Variants in NUCKS1 observed in about 807,000 individuals in gnomAD.
The protein encoded by NUCKS1 is nuclear ubiquitous casein and cyclin-dependent kinase substrate 1.
In NUCKS1, 2 loss-of-function variants were observed where a neutral mutation model predicts 33.0. That is an observed-to-expected ratio of 0.06 (90% CI 0.02 to 0.19). The LOEUF is 0.19. NUCKS1 is among the 10% of genes least tolerant of loss of function. The pLI, the probability that NUCKS1 is intolerant of heterozygous loss-of-function variation, is 1.00. For missense variants in NUCKS1, 201 were observed against 293.6 expected (o/e 0.68, Z 2.31); for synonymous variants, 106 against 102.8 (o/e 1.03, Z -0.19).
chr1:205,729,750 G>T, intron 1 of NUCKS1, 129 bp from the exon 2 acceptor site: 1 of 757,738 alleles, frequency 1.3e-6, no homozygotes. Context: ...TGCTGGACGT[G>T]GTGGCTCACA....
At chr1:205,721,901 C>T (rs376366475) in intron 4 of NUCKS1, among the ~76,000 whole-genome samples, 30 of 151,632 alleles carry the variant, frequency 2.0e-4, no homozygotes, top group East Asian at 1.4e-3. Flanking sequence ...CTCGAACTCC[C>T]GACCTCAGGT....
chr1:205,733,899 C>A (rs1193165271), intron 1 of NUCKS1, among the ~76,000 whole-genome samples: 1 of 152,124 alleles, frequency 6.6e-6, no homozygotes, highest in Non-Finnish European at 1.5e-5. Context: ...ACAATTGAGA[C>A]AGGGTCTTGT....
At chr1:205,746,766 A>C (rs1482066294) in intron 1 of NUCKS1, among the ~76,000 whole-genome samples, 1 of 152,344 alleles carries the variant, frequency 6.6e-6, no homozygotes, top group African/African-American at 2.4e-5. Flanking sequence ...CAATAAAATA[A>C]ATTCTATAAC....
At chr1:205,725,585 TTTTATCGAG>T (rs1653745907) in intron 3 of NUCKS1, among the ~76,000 whole-genome samples, 1 of 152,236 alleles carries the variant, frequency 6.6e-6, no homozygotes, top group Non-Finnish European at 1.5e-5. Context: ...TTTCCAGCTC[TTTTATCGAG>T]TTTATAGACT....
chr1:205,739,117 G>A (rs1334402163), intron 1 of NUCKS1, among the ~76,000 whole-genome samples: 1 of 152,184 alleles, frequency 6.6e-6, no homozygotes, highest in Non-Finnish European at 1.5e-5. Flanking sequence ...AATGTCACAA[G>A]AGGAGCTAAT....
intron 1 of NUCKS1, among the ~76,000 whole-genome samples, chr1:205,732,880 C>A (rs1331593517): frequency 2.7e-5 from 4 of 149,494 alleles, no homozygotes; most frequent in Admixed American, 1.3e-4. Flanking sequence ...ATGAAAAAAT[C>A]TAATATTTTT....
Position 205,750,015 on chromosome 1 carries a change from A to AGGGGGGGGGGGGGGGGGGGGG in NUCKS1, c.-43_-42insCCCCCCCCCCCCCCCCCCCCC. ...GGACCGAGTCGAGAAGCCAAAGACC[A>AGGGGGGGGGGGGGGGGGGGGG]GGACCCCCCCCACCCCGCGCGCTCG... is the stretch of plus-strand genomic sequence containing the variant. On this transcript the variant is annotated 5_prime_UTR_variant, in exon 1 of 7. Coordinates refer to ENST00000367142, the MANE Select transcript of NUCKS1 (RefSeq NM_022731.5). 1 of 1,506,268 alleles carries AGGGGGGGGGGGGGGGGGGGGG rather than the reference A, an allele frequency of 6.6e-7. No homozygotes were observed. Among genetic ancestry groups the AGGGGGGGGGGGGGGGGGGGGG allele is most frequent in the Non-Finnish European group, 9.0e-7 (1 of 1,114,416 alleles). 93.3% of individuals were successfully genotyped at this position (1,506,268 alleles called of 1,614,324 possible).
At chr1:205,736,825 C>A (rs962202844) in intron 1 of NUCKS1, among the ~76,000 whole-genome samples, 10 of 148,896 alleles carry the variant, frequency 6.7e-5, no homozygotes, top group African/African-American at 2.5e-4. Flanking sequence ...AGCAAAACTC[C>A]TTCTAAAAAA....
Position 205,717,143 on chromosome 1 carries a change from GA to G in NUCKS1, c.*1136del. 1 of 218,722 alleles carries G rather than the reference GA, an allele frequency of 4.6e-6. No individual in the cohort carries two copies. Among genetic ancestry groups the G allele is most frequent in the African/African-American group, 2.3e-5 (1 of 42,652 alleles). The allele number at this position is 218,722 out of a possible 1,614,324, so 13.5% of individuals were successfully genotyped here. On this transcript the variant is annotated 3_prime_UTR_variant, in exon 7 of 7. Transcript: ENST00000367142. Reference sequence around the variant, plus strand: ...GTACTTCTTATCACATTTCTATGAAGAAATGGGAAGATCGGGATATGAAAAA... The same window carrying G: ...GTACTTCTTATCACATTTCTATGAAGAATGGGAAGATCGGGATATGAAAAA...
In NUCKS1 at chr1:205,739,997, G is replaced by GTTTTTTTTT. The variant is rs60866378; in HGVS notation, c.17+9951_17+9959dup. 6.0e-4 allele frequency among the ~76,000 whole-genome samples: 49 copies of GTTTTTTTTT among 81,768 alleles called. 4 individuals are homozygous for GTTTTTTTTT. The highest frequency in any genetic ancestry group is 7.9e-4 in the Non-Finnish European group (36 of 45,742). The allele number at this position is 81,768 out of a possible 152,430, so 53.6% of individuals were successfully genotyped here. A position where few individuals can be genotyped will look rare whatever the true frequency, so the allele number is the denominator to read the frequency against. On this transcript the variant is annotated intron_variant, in intron 1 of 6. Coordinates refer to ENST00000367142, the MANE Select transcript of NUCKS1 (RefSeq NM_022731.5). ...TACATCATCCTGCTATTTACTTTAG[G>GTTTTTTTTT]TTTTTTTTTTTTTTTTTTTTTGAGA...
intron 4 of NUCKS1, among the ~76,000 whole-genome samples, chr1:205,722,930 A>C (rs1466418062): frequency 6.6e-6 from 1 of 152,162 alleles, no homozygotes; most frequent in Non-Finnish European, 1.5e-5. Flanking sequence ...CCGACCCAAA[A>C]CTAAACCCAC....
At chr1:205,748,775 A>C (rs923376737) in intron 1 of NUCKS1, among the ~76,000 whole-genome samples, 4 of 152,250 alleles carry the variant, frequency 2.6e-5, no homozygotes, top group African/African-American at 9.6e-5. Context: ...ACAACTTGGA[A>C]TGAAGGGGAA....
At position 205,714,353 on chromosome 1, in the gene NUCKS1, G is replaced by A. The variant is rs1356600171; in HGVS notation, c.*3927C>T. The A allele has an allele frequency of 1.3e-5, 2 of 152,030 alleles. No homozygotes were observed. The highest frequency in any genetic ancestry group is 4.8e-5 in the African/African-American group (2 of 41,374). The allele number at this position is 152,030 out of a possible 1,614,324, so 9.4% of individuals were successfully genotyped here. A position where few individuals can be genotyped will look rare whatever the true frequency, so the allele number is the denominator to read the frequency against. On this transcript the variant is annotated 3_prime_UTR_variant, in exon 7 of 7. Coordinates refer to ENST00000367142, the MANE Select transcript of NUCKS1 (RefSeq NM_022731.5). ...TGATGTACAAAGTGTATGCACAACG[G>A]TGGCATTCTACCAGCCACACAAAGC... is the stretch of plus-strand genomic sequence containing the variant.
chr1:205,734,955 C>T lies in NUCKS1; in HGVS notation c.18-5334G>A, dbSNP rs114075852. 4.7e-3 allele frequency among the ~76,000 whole-genome samples: 717 copies of T among 151,976 alleles called. 5 individuals are homozygous for T. Among genetic ancestry groups the T allele is most frequent in the African/African-American group, 0.016 (675 of 41,474 alleles). On this transcript the variant is annotated intron_variant, in intron 1 of 6. Coordinates refer to ENST00000367142, the MANE Select transcript of NUCKS1 (RefSeq NM_022731.5). ...GTCCTGCCTCCTAAAGATGCTTATT[C>T]AAAATAATATAAATAACATACTATT...
At chr1:205,730,179 G>A (rs909458591) in intron 1 of NUCKS1, among the ~76,000 whole-genome samples, 3 of 151,988 alleles carry the variant, frequency 2.0e-5, no homozygotes, top group Non-Finnish European at 4.4e-5. Context: ...TCAGCCTCCT[G>A]AGTAGCTGGG....
Position 205,717,563 on chromosome 1 carries a change from T to A in NUCKS1, c.*717A>T. 1 of 984,990 alleles carries A rather than the reference T, an allele frequency of 1.0e-6. No individual in the cohort carries two copies. Among genetic ancestry groups the A allele is most frequent in the Non-Finnish European group, 1.2e-6 (1 of 830,038 alleles). 61.0% of individuals were successfully genotyped at this position (984,990 alleles called of 1,614,324 possible). On this transcript the variant is annotated 3_prime_UTR_variant, in exon 7 of 7. Coordinates refer to ENST00000367142, the MANE Select transcript of NUCKS1 (RefSeq NM_022731.5). ...AAAGGATCACTGGCTCCGAGTCTCTTTGAGATAACAAGTGATGAAATAAAA... is the reference window on the plus strand; with the variant it reads ...AAAGGATCACTGGCTCCGAGTCTCTATGAGATAACAAGTGATGAAATAAAA...
At chr1:205,749,838 A>C (rs2102454207) in intron 1 of NUCKS1, 119 bp downstream of exon 1, 1 of 1,088,104 alleles carries the variant, frequency 9.2e-7, no homozygotes. Flanking sequence ...GGGCCCCGAA[A>C]GGGAGGAGGC....
At chr1:205,737,470 A>G (rs1454603774) in intron 1 of NUCKS1, among the ~76,000 whole-genome samples, 1 of 152,234 alleles carries the variant, frequency 6.6e-6, no homozygotes, top group Non-Finnish European at 1.5e-5. Flanking sequence ...GCAACAGTGC[A>G]AACAGTCTTC....
At chr1:205,745,455 A>C (rs1654296991) in intron 1 of NUCKS1, among the ~76,000 whole-genome samples, 2 of 151,828 alleles carry the variant, frequency 1.3e-5, no homozygotes, top group Admixed American at 1.3e-4. Context: ...GCACCAGTGC[A>C]CTCCCGCCTG....
Sources: gnomAD v4.1 joint callset for allele counts (sites outside exome capture counted in the v4.1 genomes callset) on GRCh38, gnomAD v4.1.1 for gene constraint, MANE v1.5 for transcripts, NCBI Gene and HGNC (gene_info 2026-07-23, HGNC 2026-07-21) for gene names.